The following SPATA17 variants were observed in gnomAD, a reference collection of about 807,000 sequenced individuals.
SPATA17 encodes the protein spermatogenesis associated 17.
Under a neutral mutation model 62.2 loss-of-function variants are expected in SPATA17, and 53 were observed. The observed-to-expected ratio is 0.85, with a 90% confidence interval of 0.68 to 1.07. SPATA17 has a LOEUF of 1.07. SPATA17 is among the 50% of genes least tolerant of loss of function. SPATA17 has a pLI of 0.00. For synonymous variants in SPATA17, 146 were observed against 146.8 expected (o/e 0.99, Z 0.04); for missense variants, 466 against 425.5 (o/e 1.10, Z -0.84).
intron 5 of SPATA17, among the ~76,000 whole-genome samples, chr1:217,691,409 G>T (rs1343723631): frequency 5.3e-5 from 1 of 18,844 alleles, no homozygotes; most frequent in Non-Finnish European, 1.1e-4. Context: ...CAGATGAGTA[G>T]GTTGCGAAAA....
intron 6 of SPATA17, 98 bp from the exon 7 acceptor site, chr1:217,774,236 T>A: frequency 3.0e-6 from 3 of 1,003,140 alleles, no homozygotes; most frequent in South Asian, 3.3e-5. Flanking sequence ...TAGTTTAAAA[T>A]ATTCTTTAAA....
chr1:217,721,076 T>A (rs1672115809), intron 5 of SPATA17, among the ~76,000 whole-genome samples: 1 of 152,246 alleles, frequency 6.6e-6, no homozygotes, highest in Non-Finnish European at 1.5e-5. Context: ...CACACTCAGA[T>A]GTACCATGAA....
At chr1:217,643,082 T>C (rs192859032) in intron 1 of SPATA17, among the ~76,000 whole-genome samples, 51 of 152,330 alleles carry the variant, frequency 3.3e-4, no homozygotes, top group Admixed American at 7.8e-4. Context: ...TCTATACTTA[T>C]TTCTCTACCT....
chr1:217,669,175 T>A (rs890989987), intron 4 of SPATA17, 92 bp downstream of exon 4: 1 of 1,035,312 alleles, frequency 9.7e-7, no homozygotes, highest in Admixed American at 1.9e-5. Flanking sequence ...TAATGCAAAT[T>A]TGATTGATAT....
intron 9 of SPATA17, among the ~76,000 whole-genome samples, chr1:217,850,825 C>T (rs1287600727): frequency 1.3e-5 from 2 of 151,986 alleles, no homozygotes; most frequent in East Asian, 1.9e-4. Flanking sequence ...GAATTCTTCC[C>T]CCAGGAACCT....
chr1:217,640,826 T>A (rs951495456), intron 1 of SPATA17, among the ~76,000 whole-genome samples: 1 of 152,052 alleles, frequency 6.6e-6, no homozygotes, highest in Admixed American at 6.5e-5. Context: ...ATAATACATT[T>A]AGTGTTTTTT....
At chr1:217,814,516 T>C (rs1470133845) in intron 9 of SPATA17, among the ~76,000 whole-genome samples, 2 of 152,218 alleles carry the variant, frequency 1.3e-5, no homozygotes, top group Non-Finnish European at 1.5e-5. Flanking sequence ...TTAGTCCCAA[T>C]GTGATCCCTG....
chr1:217,848,002 C>T (rs1412911718), intron 9 of SPATA17, among the ~76,000 whole-genome samples: 1 of 151,990 alleles, frequency 6.6e-6, no homozygotes, highest in Non-Finnish European at 1.5e-5. Flanking sequence ...TACTACTGCT[C>T]TCCAGCCTGT....
chr1:217,834,583 A>G (rs959993602), intron 9 of SPATA17, among the ~76,000 whole-genome samples: 1 of 152,168 alleles, frequency 6.6e-6, no homozygotes, highest in Admixed American at 6.6e-5. Context: ...AAAAGCTTAT[A>G]GAATAAGGAT....
intron 8 of SPATA17, 77 bp from the exon 9 acceptor site, chr1:217,801,641 C>A: frequency 7.8e-7 from 1 of 1,275,676 alleles, no homozygotes; most frequent in Non-Finnish European, 1.1e-6. Flanking sequence ...TACTATAGTA[C>A]TTCTACAAAG....
chr1:217,676,501 A>G (rs1670949342), intron 4 of SPATA17, among the ~76,000 whole-genome samples: 1 of 152,160 alleles, frequency 6.6e-6, no homozygotes, highest in Non-Finnish European at 1.5e-5. Context: ...AATTATTGCT[A>G]GGACTGATAA....
chr1:217,733,245 G>C (rs1372352391), intron 5 of SPATA17, among the ~76,000 whole-genome samples: 2 of 152,094 alleles, frequency 1.3e-5, no homozygotes, highest in Admixed American at 6.6e-5. Context: ...TACTCTTAGA[G>C]AGCCCATTTA....
intron 6 of SPATA17, among the ~76,000 whole-genome samples, chr1:217,761,193 G>A (rs1673165696): frequency 6.6e-6 from 1 of 152,068 alleles, no homozygotes; most frequent in South Asian, 2.1e-4. Flanking sequence ...ACCTCCTTTG[G>A]CCTTTGTGAC....
intron 1 of SPATA17, among the ~76,000 whole-genome samples, chr1:217,637,699 A>C (rs1299197956): frequency 6.6e-6 from 1 of 152,178 alleles, no homozygotes; most frequent in East Asian, 1.9e-4. Context: ...TAGCCTAAAT[A>C]AATAGCAGCT....
chr1:217,857,016 CT>C (rs1203245868), intron 9 of SPATA17, among the ~76,000 whole-genome samples: 1 of 152,118 alleles, frequency 6.6e-6, no homozygotes, highest in African/African-American at 2.4e-5. Context: ...TGCCATGCTC[CT>C]TTTTTCTAAC....
At chr1:217,729,273 C>G (rs1571763134) in intron 5 of SPATA17, among the ~76,000 whole-genome samples, 1 of 152,118 alleles carries the variant, frequency 6.6e-6, no homozygotes, top group Non-Finnish European at 1.5e-5. Flanking sequence ...TTTATGAACT[C>G]CAGCAGGGAG....
intron 9 of SPATA17, among the ~76,000 whole-genome samples, chr1:217,811,617 T>A (rs1165359487): frequency 6.6e-6 from 1 of 150,718 alleles, no homozygotes; most frequent in Non-Finnish European, 1.5e-5. Flanking sequence ...CACTTGAACT[T>A]GGGCGGCGGA....
At chr1:217,659,288 C>T (rs949147932) in intron 3 of SPATA17, among the ~76,000 whole-genome samples, 4 of 151,742 alleles carry the variant, frequency 2.6e-5, no homozygotes, top group Non-Finnish European at 4.4e-5. Flanking sequence ...GGAAATGACA[C>T]TTCAGCTAAC....
At chr1:217,771,370 GT>G (rs1673440876) in intron 6 of SPATA17, among the ~76,000 whole-genome samples, 2 of 152,004 alleles carry the variant, frequency 1.3e-5, no homozygotes, top group South Asian at 4.2e-4. Context: ...ATATACCATA[GT>G]CCCTGAGGAT....
Sources: allele counts gnomAD v4.1 joint callset (sites outside exome capture counted in the v4.1 genomes callset), GRCh38; gene constraint gnomAD v4.1.1; transcripts MANE v1.5; gene names NCBI Gene and HGNC (gene_info 2026-07-23, HGNC 2026-07-21).